SNX15: variants seen among roughly 807,000 people sequenced by gnomAD.
The protein encoded by SNX15 is sorting nexin-15.
A neutral mutation model predicts 35.2 loss-of-function variants in SNX15; 29 were observed. The observed-to-expected ratio is 0.82, with a 90% CI of 0.61 to 1.12. The LOEUF is 1.12. Ranked by LOEUF, SNX15 falls within the 50% of genes most tolerant of loss-of-function variation. The pLI is 0.00. For missense variants in SNX15, 400 were observed against 451.5 expected (o/e 0.89, Z 1.03); for synonymous variants, 189 against 188.2 (o/e 1.00, Z -0.03).
At position 65,034,842 on chromosome 11, in the gene SNX15, C is replaced by G. The variant is rs765499956; in HGVS notation, c.257-5C>G. 6.2e-7 allele frequency: 1 copy of G among 1,612,214 alleles called. No homozygotes were observed. On this transcript the variant is annotated splice_polypyrimidine_tract_variant and splice_region_variant and intron_variant, in intron 3 of 7. Transcript: ENST00000377244. The stretch of plus-strand genomic sequence containing the variant: ...CTCCCCTGTTCCTTGTCCTGGGGGC[C>G]GTAGGCCGGTTTGAAGCCTCAGTGA...
Position 65,032,420 on chromosome 11 carries a change from G to A in SNX15, c.136-11G>A. On this transcript the variant is annotated splice_polypyrimidine_tract_variant and intron_variant, in intron 2 of 7. Coordinates refer to ENST00000377244, the MANE Select transcript of SNX15 (RefSeq NM_013306.5). ...ATTGCTGGTTCTGGGCAAGTCTCAT[G>A]TACCTCATAGGTGGTGGTCTGGAAG... 1.2e-6 allele frequency: 2 copies of A among 1,614,162 alleles called. No homozygotes were observed. The highest frequency in any genetic ancestry group is 1.6e-4 in the Middle Eastern group (1 of 6,062).
chr11:65,038,466 TG>T, intron 6 of SNX15, 105 bp from the exon 7 acceptor site: 1 of 1,391,778 alleles, frequency 7.2e-7, no homozygotes, highest in Non-Finnish European at 9.5e-7. Context: ...TCCCCTCTAC[TG>T]GGGACAGGCT....
Position 65,038,587 on chromosome 11 carries a change from G to C in SNX15, c.680G>C (p.Ser227Thr), listed in dbSNP as rs369228727. The stretch of plus-strand genomic sequence containing the variant: ...CTAACTGCAGAAGGCGCAGCCCCCA[G>C]CCCCACCCATGTGGCTGAGCTGGCA... Reference protein sequence around the residue: ...PFSKEEGAAPSPTHVAELATM... With the variant: ...PFSKEEGAAPTPTHVAELATM... Residue 227 changes from serine (S) to threonine (T), a missense_variant, in exon 7 of 8, where the codon AGC becomes ACC. Transcript: ENST00000377244. 64 of 1,567,086 alleles carry C rather than the reference G, an allele frequency of 4.1e-5. 1 individual carries two copies. In the South Asian group the frequency reaches 7.4e-4, roughly 18 times the overall value.
chr11:65,037,638 C>T (rs1946517782), intron 6 of SNX15: 1 of 152,236 alleles, frequency 6.6e-6, no homozygotes, highest in Admixed American at 6.5e-5. Flanking sequence ...CCTACCCTGC[C>T]ATGGTGGGCA....
chr11:65,030,309 C>G (rs900323186), intron 1 of SNX15, among the ~76,000 whole-genome samples: 2 of 148,938 alleles, frequency 1.3e-5, no homozygotes, highest in African/African-American at 4.9e-5. Context: ...GAGCCGAGAT[C>G]ACACCACTGC....
chr11:65,039,457 C>T (rs1946550207), intron 7 of SNX15, among the ~76,000 whole-genome samples: 1 of 151,882 alleles, frequency 6.6e-6, no homozygotes, highest in South Asian at 2.1e-4. Flanking sequence ...CCCCTGACCT[C>T]GTGATCCACC....
chr11:65,029,154 TGTGTC>T (rs1946410580), intron 1 of SNX15, among the ~76,000 whole-genome samples: 1 of 151,930 alleles, frequency 6.6e-6, no homozygotes, highest in South Asian at 2.1e-4. Context: ...GTGGCTTTTT[TGTGTC>T]GTTGTTTTGT....
At chr11:65,027,673 C>G (rs773520460) in intron 1 of SNX15, 37 bp downstream of exon 1, 4 of 1,494,178 alleles carry the variant, frequency 2.7e-6, no homozygotes, top group Admixed American at 3.4e-5. Context: ...ACCCTTTTAA[C>G]TAGAGGGGCG....
At chr11:65,037,753 G>A (rs1946520090) in intron 6 of SNX15, 1 of 152,174 alleles carries the variant, frequency 6.6e-6, no homozygotes, top group Admixed American at 6.5e-5. Context: ...AGGTGTCCCA[G>A]GTACTCTTCT....
chr11:65,027,515 C>T lies in SNX15; in HGVS notation c.-23C>T, dbSNP rs1946384858. On this transcript the variant is annotated 5_prime_UTR_variant, in exon 1 of 8. Transcript: ENST00000377244. Reference sequence around the variant, plus strand: ...CGGCGAGGAGGTGGAGGCCGGCGCTCCGCTCCGCTCCAGCTCGGTTTCATG... The same window carrying T: ...CGGCGAGGAGGTGGAGGCCGGCGCTTCGCTCCGCTCCAGCTCGGTTTCATG... 2 of 1,605,550 alleles carry T rather than the reference C, an allele frequency of 1.2e-6. No individual in the cohort carries two copies. Among genetic ancestry groups the T allele is most frequent in the Non-Finnish European group, 1.7e-6 (2 of 1,172,904 alleles).
intron 3 of SNX15, 65 bp downstream of exon 3, chr11:65,032,616 G>T: frequency 6.3e-7 from 1 of 1,596,458 alleles, no homozygotes. Context: ...GGGGACCTCC[G>T]CCAGTGGGGG....
intron 1 of SNX15, among the ~76,000 whole-genome samples, chr11:65,029,227 C>T (rs911356572): frequency 1.3e-5 from 2 of 151,840 alleles, no homozygotes; most frequent in African/African-American, 2.4e-5. Flanking sequence ...GACTCGATCT[C>T]AGCTCACTGC....
intron 6 of SNX15, chr11:65,037,402 A>T (rs971599931): frequency 4.6e-5 from 7 of 151,830 alleles, no homozygotes; most frequent in African/African-American, 1.7e-4. Flanking sequence ...GATTTTTTGT[A>T]GAGATGAGAT....
At chr11:65,039,063 C>A (rs1488049131) in intron 7 of SNX15, among the ~76,000 whole-genome samples, 1 of 40,298 alleles carries the variant, frequency 2.5e-5, no homozygotes, top group Non-Finnish European at 7.1e-5. Flanking sequence ...CAGAGTCTTG[C>A]TCTTGTTGCA....
chr11:65,027,677 AG>A (rs756285315), intron 1 of SNX15, 41 bp downstream of exon 1: 1 of 1,454,664 alleles, frequency 6.9e-7, no homozygotes, highest in Admixed American at 1.7e-5. Context: ...TTTTAACTAG[AG>A]GGGCGCCGAG....
chr11:65,032,063 C>T, intron 1 of SNX15, 105 bp from the exon 2 acceptor site: 2 of 1,130,104 alleles, frequency 1.8e-6, no homozygotes, highest in Non-Finnish European at 1.3e-6. Context: ...TGGCCAAAGG[C>T]TACTGCCCCG....
At chr11:65,030,280 G>A (rs193282069) in intron 1 of SNX15, among the ~76,000 whole-genome samples, 23 of 150,536 alleles carry the variant, frequency 1.5e-4, no homozygotes, top group Admixed American at 2.6e-4. Context: ...GCTTGAACCC[G>A]GGAGGCAGAG....
At chr11:65,033,543 CAAAAAAA>C (rs35724941) in intron 3 of SNX15, among the ~76,000 whole-genome samples, 2 of 86,474 alleles carry the variant, frequency 2.3e-5, no homozygotes, top group African/African-American at 4.5e-5. Flanking sequence ...GACTCCGTCT[CAAAAAAA>C]AAAAAAAAAA....
At chr11:65,038,093 C>T (rs1946524403) in intron 6 of SNX15, 1 of 177,582 alleles carries the variant, frequency 5.6e-6, no homozygotes. Flanking sequence ...ACACCTGTCA[C>T]TCACTGTCTT....
Sources: allele counts gnomAD v4.1 joint callset (sites outside exome capture counted in the v4.1 genomes callset), GRCh38; gene constraint gnomAD v4.1.1; transcripts MANE v1.5; gene names NCBI Gene and HGNC (gene_info 2026-07-23, HGNC 2026-07-21).